The following EHD1 variants were observed in gnomAD, a reference collection of about 807,000 sequenced individuals.
The protein encoded by EHD1 is EH domain containing 1.
In EHD1, 19 loss-of-function variants were observed where a neutral mutation model predicts 39.0. The observed-to-expected ratio is 0.49, with a 90% CI of 0.34 to 0.72. The LOEUF (loss-of-function observed/expected upper bound fraction) is 0.72, where lower values mean the gene tolerates loss of function less well. Among genes scored for constraint, EHD1 ranks in the 30% least tolerant of loss-of-function variants. EHD1 has a pLI of 0.01. For missense variants in EHD1, 542 were observed against 751.5 expected (o/e 0.72, Z 3.26); for synonymous variants, 323 against 331.2 (o/e 0.98, Z 0.27).
At position 64,867,189 on chromosome 11, in the gene EHD1, C is replaced by A. The variant is rs375964944; in HGVS notation, c.503-6853G>T. On this transcript the variant is annotated intron_variant, in intron 2 of 4. Transcript: ENST00000320631. ...ATCCCAGTGCTTTGGGAGGCCAAGG[C>A]GGGCTGATCACCTGAGGTCAGGAGT... is the stretch of plus-strand genomic sequence containing the variant. Among the ~76,000 whole-genome samples, 97 of 152,168 alleles carry A rather than the reference C, an allele frequency of 6.4e-4. 1 individual carries two copies. Among genetic ancestry groups the A allele is most frequent in the African/African-American group, 2.2e-3 (93 of 41,502 alleles).
At chr11:64,871,319 C>T (rs1016023396) in intron 2 of EHD1, among the ~76,000 whole-genome samples, 2 of 152,142 alleles carry the variant, frequency 1.3e-5, no homozygotes, top group East Asian at 1.9e-4. Context: ...CCAGCCCTGC[C>T]GGGAACGCAC....
intron 2 of EHD1, among the ~76,000 whole-genome samples, chr11:64,863,633 C>T (rs528970955): frequency 1.3e-5 from 2 of 152,348 alleles, no homozygotes; most frequent in South Asian, 2.1e-4. Context: ...ACACTCCTGC[C>T]GCCTGCCCCG....
At chr11:64,855,762 G>C (rs1943644611) in intron 3 of EHD1, 1 of 454,282 alleles carries the variant, frequency 2.2e-6, no homozygotes, top group Non-Finnish European at 4.0e-6. Flanking sequence ...GCCTTGCACG[G>C]ATCATTGTGA....
Position 64,855,317 on chromosome 11 carries a change from C to A in EHD1, c.1080+5G>T. Reference sequence around the variant, plus strand: ...AGCCTGCATGGGGCCTCGGGACAGCCGTACCTGCATCTTGCGGAGGCTCGG... The same window carrying A: ...AGCCTGCATGGGGCCTCGGGACAGCAGTACCTGCATCTTGCGGAGGCTCGG... On this transcript the variant is annotated splice_donor_5th_base_variant and intron_variant, in intron 4 of 4. Transcript: ENST00000320631. 6.2e-7 allele frequency: 1 copy of A among 1,613,390 alleles called. No individual in the cohort carries two copies. Among genetic ancestry groups the A allele is most frequent in the Non-Finnish European group, 8.5e-7 (1 of 1,179,892 alleles).
At chr11:64,879,283 G>A, upstream of EHD1, 1 of 933,066 alleles carries the variant, frequency 1.1e-6, no homozygotes, top group Non-Finnish European at 1.4e-6. Flanking sequence ...CCCTCAGGCC[G>A]ACGGGGTGGG....
intron 3 of EHD1, among the ~76,000 whole-genome samples, chr11:64,856,841 G>A (rs1451553102): frequency 6.6e-6 from 1 of 152,246 alleles, no homozygotes; most frequent in Non-Finnish European, 1.5e-5. Flanking sequence ...GGGTTTTCCA[G>A]GCGCGGTGAC....
At chr11:64,877,959 G>T in intron 1 of EHD1, 102 bp downstream of exon 1, 1 of 1,265,284 alleles carries the variant, frequency 7.9e-7, no homozygotes, top group Non-Finnish European at 1.0e-6. Context: ...CTGGGGCCTC[G>T]GAGACAAAGG....
rs748144371 is a variant in EHD1 at position 64,860,029 on chromosome 11, G to C, written c.810C>G (p.Leu270=). ...HPLLIPDNRK[L]FEAEEQDLFK... ...AGAGGTCCTGCTCCTCGGCCTCAAA[G>C]AGCTTGCGGTTGTCGGGGATGAGGA... The change falls in exon 3 of 5, where the codon CTC becomes CTG. Residue 270 remains leucine (L), a synonymous_variant. Transcript: ENST00000320631. The C allele has an allele frequency of 1.5e-5, 25 of 1,614,140 alleles. No individual in the cohort carries two copies. Among genetic ancestry groups the C allele is most frequent in the Non-Finnish European group, 1.9e-5 (22 of 1,180,032 alleles).
chr11:64,869,744 C>T (rs1217889366), intron 2 of EHD1, among the ~76,000 whole-genome samples: 1 of 152,206 alleles, frequency 6.6e-6, no homozygotes, highest in Non-Finnish European at 1.5e-5. Context: ...GGACACAGCA[C>T]CTGGCCTGGC....
chr11:64,857,251 C>T (rs1592744736), intron 3 of EHD1, among the ~76,000 whole-genome samples: 1 of 152,102 alleles, frequency 6.6e-6, no homozygotes. Context: ...ATGGTGAAAC[C>T]CCGTCTCTAC....
chr11:64,874,689 C>T (rs925295200), intron 1 of EHD1, among the ~76,000 whole-genome samples, 171 bp from the exon 2 acceptor site: 2 of 152,200 alleles, frequency 1.3e-5, no homozygotes, highest in South Asian at 2.1e-4. Context: ...GCCGGCAAAT[C>T]GTATGGACTT....
rs116092297 is a variant in EHD1, at chr11:64,854,297, C to T, written c.*36G>A. 1.7e-5 allele frequency: 27 copies of T among 1,561,554 alleles called. No homozygotes were observed. The African/African-American group carries it at 2.0e-4, about 12-fold the overall frequency. On this transcript the variant is annotated 3_prime_UTR_variant, in exon 5 of 5. Coordinates refer to ENST00000320631, the MANE Select transcript of EHD1 (RefSeq NM_006795.4). Reference sequence around the variant, plus strand: ...CCTCCCCCCGTCTCTGCCTCCCGGCCGGGCGTGCAAATGGCAGGTGCGGGG... The same window carrying T: ...CCTCCCCCCGTCTCTGCCTCCCGGCTGGGCGTGCAAATGGCAGGTGCGGGG...
At position 64,878,318 on chromosome 11, in the gene EHD1, C is replaced by A. The variant is rs3205254; in HGVS notation, c.147G>T (p.Ala49=). The stretch of plus-strand genomic sequence containing the variant: ...TGTTGTCGAAGTCAGCGTCCTCCAG[C>A]GCGGGCGAGTGGAACTCGTGGAAGC... ...HYRFHEFHSP[A]LEDADFDNKP... Residue 49 remains alanine (A), a synonymous_variant, in exon 1 of 5, where the codon GCG becomes GCT. Coordinates refer to ENST00000320631, the MANE Select transcript of EHD1 (RefSeq NM_006795.4). The A allele has an allele frequency of 5.6e-6, 9 of 1,614,072 alleles. No individual in the cohort carries two copies. The East Asian group carries it at 2.0e-4, about 36-fold the overall frequency.
intron 3 of EHD1, among the ~76,000 whole-genome samples, chr11:64,859,389 G>A (rs923443861): frequency 2.6e-5 from 4 of 152,140 alleles, no homozygotes; most frequent in African/African-American, 9.7e-5. Flanking sequence ...GCATAGTGGT[G>A]CGTGCCTGTG....
rs776582961 is a variant in EHD1 at position 64,854,702 on chromosome 11, G to A, written c.1236C>T (p.Gly412=). ...GCCCGTTCATGGTGCCGTCAAAGGC[G>A]CCGCCCTTGACCACCTGGGAAGGCA... is the stretch of plus-strand genomic sequence containing the variant. The part of the protein sequence containing the change: ...SLMPSQVVKG[G]AFDGTMNGPF... Residue 412 remains glycine, a synonymous_variant, in exon 5 of 5, where the codon GGC becomes GGT. Coordinates refer to ENST00000320631, the MANE Select transcript of EHD1 (RefSeq NM_006795.4). 1.7e-5 allele frequency: 27 copies of A among 1,613,212 alleles called. No individual in the cohort carries two copies. The highest frequency in any genetic ancestry group is 2.2e-5 in the East Asian group (1 of 44,864).
Position 64,854,281 on chromosome 11 carries a change from G to A in EHD1, c.*52C>T, listed in dbSNP as rs534163322. ...AAATGGTGAGGCTTCCCCTCCCCCC[G>A]TCTCTGCCTCCCGGCCGGGCGTGCA... On this transcript the variant is annotated 3_prime_UTR_variant, in exon 5 of 5. Transcript: ENST00000320631. 7.4e-5 allele frequency: 114 copies of A among 1,538,956 alleles called. No individual in the cohort carries two copies. The highest frequency in any genetic ancestry group is 2.4e-4 in the African/African-American group (18 of 73,718).
chr11:64,869,874 T>C (rs952800201), intron 2 of EHD1, among the ~76,000 whole-genome samples: 2 of 151,846 alleles, frequency 1.3e-5, no homozygotes, highest in Non-Finnish European at 2.9e-5. Flanking sequence ...CGGCAGGAAG[T>C]GGGGGCGGCC....
Position 64,867,084 on chromosome 11 carries a change from T to TA in EHD1, c.503-6749dup, listed in dbSNP as rs569576753. On this transcript the variant is annotated intron_variant, in intron 2 of 4. Coordinates refer to ENST00000320631, the MANE Select transcript of EHD1 (RefSeq NM_006795.4). Reference sequence around the variant, plus strand: ...TGCCAGTGAAATGCACACCTACAAATAGTTAAAATCTACTTTTCTGGGGTC... The same window carrying TA: ...TGCCAGTGAAATGCACACCTACAAATAAGTTAAAATCTACTTTTCTGGGGTC... Among the ~76,000 whole-genome samples, 67 of 152,188 alleles carry TA rather than the reference T, an allele frequency of 4.4e-4. 1 individual carries two copies. The South Asian group carries it at 0.012, about 26-fold the overall frequency.
Position 64,857,002 on chromosome 11 carries a change from C to T in EHD1, c.916-1516G>A, listed in dbSNP as rs140623471. On this transcript the variant is annotated intron_variant, in intron 3 of 4. Coordinates refer to ENST00000320631, the MANE Select transcript of EHD1 (RefSeq NM_006795.4). Reference sequence around the variant, plus strand: ...GGAGAGAAACTCAGCTAGGGCCACACCCACACCCCTCAGCTCAGGACGTCC... The same window carrying T: ...GGAGAGAAACTCAGCTAGGGCCACATCCACACCCCTCAGCTCAGGACGTCC... Among the ~76,000 whole-genome samples, 19 of 152,360 alleles carry T rather than the reference C, an allele frequency of 1.2e-4. 1 individual carries two copies. The highest frequency in any genetic ancestry group is 6.8e-3 in the Middle Eastern group (2 of 294).
Sources: allele counts gnomAD v4.1 joint callset (sites outside exome capture counted in the v4.1 genomes callset), GRCh38; gene constraint gnomAD v4.1.1; transcripts MANE v1.5; gene names NCBI Gene and HGNC (gene_info 2026-07-23, HGNC 2026-07-21).